The following CBR4 variants were observed in gnomAD, a reference collection of about 807,000 sequenced individuals.
CBR4 encodes the protein 3-oxoacyl-[acyl-carrier-protein] reductase.
In CBR4, 22 loss-of-function variants were observed where a neutral mutation model predicts 21.0. The observed-to-expected ratio is 1.05, with a 90% CI of 0.75 to 1.50. The LOEUF (loss-of-function observed/expected upper bound fraction) is 1.50. Among genes scored for constraint, CBR4 ranks in the 40% most tolerant of loss-of-function variants. The probability of loss-of-function intolerance (pLI) is 0.00; values close to 1 mark genes in which losing one functional copy is unlikely to be tolerated. For missense variants in CBR4, 302 were observed against 286.3 expected, an observed-to-expected ratio of 1.05 and a Z score of -0.40; for synonymous variants, 100 against 104.4, an observed-to-expected ratio of 0.96 and a Z score of 0.26.
chr4:168,984,541 A>C (rs542791453), downstream of CBR4, among the ~76,000 whole-genome samples: 1 of 152,320 alleles, frequency 6.6e-6, no homozygotes, highest in East Asian at 1.9e-4. Flanking sequence ...TTTTTAACAT[A>C]ATTACAAAAA....
chr4:169,005,645 C>A (rs1579028377), intron 3 of CBR4, among the ~76,000 whole-genome samples: 2 of 152,178 alleles, frequency 1.3e-5, no homozygotes, highest in East Asian at 3.8e-4. Context: ...TGTTTGCCTG[C>A]TTGTAAGTAT....
intron 1 of CBR4, chr4:169,009,038 C>G (rs1393061300): frequency 1.5e-5 from 6 of 410,092 alleles, no homozygotes; most frequent in East Asian, 7.8e-5. Flanking sequence ...CCAGCACGGG[C>G]AACATAATGG....
chr4:168,926,516 A>G (rs1234934977), intron 2 of CBR4: 1 of 651,198 alleles, frequency 1.5e-6, no homozygotes, highest in South Asian at 2.4e-5. Context: ...CACCAAAATA[A>G]TATTTTTCTT....
At chr4:168,956,257 G>T (rs1022418212) in intron 2 of CBR4, among the ~76,000 whole-genome samples, 1 of 151,968 alleles carries the variant, frequency 6.6e-6, no homozygotes. Context: ...GCACTGGGAG[G>T]ACCCCAGATA....
intron 2 of CBR4, among the ~76,000 whole-genome samples, chr4:168,961,215 G>A (rs193213114): frequency 1.3e-5 from 2 of 152,240 alleles, no homozygotes; most frequent in Non-Finnish European, 2.9e-5. Flanking sequence ...CTCAGTTGCA[G>A]ATTCAGATTT....
At chr4:168,904,286 A>G (rs1039710027) in intron 2 of CBR4, 3 of 218,166 alleles carry the variant, frequency 1.4e-5, no homozygotes, top group Non-Finnish European at 2.8e-5. Context: ...AGTGAGTGGC[A>G]TGCATAGGCT....
downstream of CBR4, among the ~76,000 whole-genome samples, chr4:168,986,102 C>T (rs576344563): frequency 9.3e-5 from 14 of 151,026 alleles, no homozygotes; most frequent in East Asian, 5.8e-4. Context: ...GGGGGGGGAA[C>T]AATAAAAATA....
At chr4:168,916,129 A>T in intron 2 of CBR4, 1 of 1,170,698 alleles carries the variant, frequency 8.5e-7, no homozygotes, top group Non-Finnish European at 1.3e-6. Flanking sequence ...GTATAAAATG[A>T]GAGCTGGGCA....
chr4:168,896,869 T>C (rs1755302399), intron 2 of CBR4, among the ~76,000 whole-genome samples: 3 of 152,174 alleles, frequency 2.0e-5, no homozygotes, highest in African/African-American at 7.2e-5. Flanking sequence ...TTCGCTCTTG[T>C]TGCCCAGGCT....
chr4:168,998,627 T>C (rs1196774142), intron 4 of CBR4, among the ~76,000 whole-genome samples: 2 of 152,182 alleles, frequency 1.3e-5, no homozygotes, highest in African/African-American at 4.8e-5. Context: ...TCTGGGACTA[T>C]ACTAAAACCA....
intron 2 of CBR4, among the ~76,000 whole-genome samples, chr4:168,966,356 C>CAAAAAA (rs1215042926): frequency 1.4e-3 from 108 of 75,154 alleles, no homozygotes; most frequent in African/African-American, 2.0e-3. Context: ...ACTAAAAATA[C>CAAAAAA]AAAAAAAAAA....
chr4:169,008,227 A>G (rs9312440), intron 1 of CBR4, among the ~76,000 whole-genome samples: 102,180 of 151,984 alleles, frequency 0.67, 36,439 homozygotes, highest in East Asian at 0.96. Context: ...ACTATGGCAC[A>G]TATATTATAA....
In CBR4 at chr4:168,926,205, C is replaced by T. The variant is rs931051658; in HGVS notation, n.170-31440G>A. On this transcript the variant is annotated intron_variant and non_coding_transcript_variant, in intron 2 of 3. Coordinates refer to the CBR4 transcript ENST00000509108. The stretch of plus-strand genomic sequence containing the variant: ...TTAAAAATCTTAATTTACTCTTTTT[C>T]TTTGTAGCCCAGTGGCATCAGCAGT... 2 of 1,505,268 alleles carry T rather than the reference C, an allele frequency of 1.3e-6. No individual in the cohort carries two copies. The highest frequency in any genetic ancestry group is 2.2e-5 in the Admixed American group (1 of 44,644). The allele number at this position is 1,505,268 out of a possible 1,614,324, so 93.2% of individuals were successfully genotyped here. A position where few individuals can be genotyped will look rare whatever the true frequency, so the allele number is the denominator to read the frequency against.
chr4:168,974,966 T>C (rs752531691), intron 2 of CBR4, among the ~76,000 whole-genome samples: 1 of 152,212 alleles, frequency 6.6e-6, no homozygotes, highest in Non-Finnish European at 1.5e-5. Flanking sequence ...CTCCTGGGGA[T>C]GCTATTAAAG....
Position 169,003,491 on chromosome 4 carries a change from TGAAA to T in CBR4, c.401-1290_401-1287del, listed in dbSNP as rs368192930. On this transcript the variant is annotated intron_variant, in intron 3 of 4. Coordinates refer to ENST00000306193, the MANE Select transcript of CBR4 (RefSeq NM_032783.5). ...TTCCTTGTGAAGATGTGAATACTGT[TGAAA>T]GAAATGACAAAGGATTTAGAATATC... 9.6e-4 allele frequency among the ~76,000 whole-genome samples: 146 copies of T among 152,300 alleles called. 1 individual carries two copies. Among genetic ancestry groups the T allele is most frequent in the African/African-American group, 3.4e-3 (141 of 41,556 alleles).
intron 4 of CBR4, among the ~76,000 whole-genome samples, chr4:168,998,419 A>C (rs553906619): frequency 6.6e-6 from 1 of 152,328 alleles, no homozygotes; most frequent in East Asian, 1.9e-4. Context: ...TAAAAGTGAC[A>C]TAACAGTCAC....
chr4:168,897,082 T>TGA (rs1755369950), intron 2 of CBR4, among the ~76,000 whole-genome samples: 1 of 152,198 alleles, frequency 6.6e-6, no homozygotes, highest in Non-Finnish European at 1.5e-5. Flanking sequence ...CCACCCGCCT[T>TGA]GGCTTCCCAA....
chr4:168,921,852 G>C, intron 2 of CBR4: 1 of 879,580 alleles, frequency 1.1e-6, no homozygotes, highest in Middle Eastern at 3.2e-4. Flanking sequence ...TGAAAAAATA[G>C]ATTGTATCAT....
intron 2 of CBR4, among the ~76,000 whole-genome samples, chr4:168,908,176 T>G (rs555253010): frequency 1.3e-5 from 2 of 152,332 alleles, no homozygotes; most frequent in South Asian, 4.1e-4. Flanking sequence ...ACCCCTTCTT[T>G]TCTGTCTTGG....
Sources: allele counts gnomAD v4.1 joint callset (sites outside exome capture counted in the v4.1 genomes callset), GRCh38; gene constraint gnomAD v4.1.1; transcripts MANE v1.5; gene names NCBI Gene and HGNC (gene_info 2026-07-23, HGNC 2026-07-21).